The following CCDC7 variants were observed in gnomAD, a reference collection of about 807,000 sequenced individuals.
CCDC7 encodes coiled-coil domain containing 7.
Under a neutral mutation model 196.9 loss-of-function variants are expected in CCDC7, and 183 were observed. The observed-to-expected ratio is 0.93, with a 90% CI of 0.82 to 1.05. The LOEUF is 1.05. CCDC7 is among the 50% of genes least tolerant of loss of function. CCDC7 has a pLI of 0.00. For missense variants in CCDC7, 1,540 were observed against 1,482.2 expected (o/e 1.04, Z -0.64); for synonymous variants, 525 against 484.6 (o/e 1.08, Z -1.10).
At chr10:32,605,857 GA>G (rs2061510164) in intron 18 of CCDC7, among the ~76,000 whole-genome samples, 1 of 152,004 alleles carries the variant, frequency 6.6e-6, no homozygotes, top group Non-Finnish European at 1.5e-5. Context: ...GAAAAGAAAA[GA>G]AAAGCCTGTT....
chr10:32,614,959 C>G (rs917885384), intron 18 of CCDC7, among the ~76,000 whole-genome samples: 16 of 152,112 alleles, frequency 1.1e-4, no homozygotes, highest in African/African-American at 2.4e-5. Context: ...CATGTTGCTG[C>G]AAAAAACATG....
At chr10:32,515,928 A>G (rs2046959038) in intron 9 of CCDC7, among the ~76,000 whole-genome samples, 1 of 152,212 alleles carries the variant, frequency 6.6e-6, no homozygotes, top group Non-Finnish European at 1.5e-5. Context: ...TAGAAGAAGC[A>G]TAGGAGTAAA....
At chr10:32,528,634 ATGTGTG>A (rs529956709) in intron 11 of CCDC7, among the ~76,000 whole-genome samples, 1 of 124,936 alleles carries the variant, frequency 8.0e-6, no homozygotes, top group Non-Finnish European at 1.9e-5. Flanking sequence ...TGGTATATGT[ATGTGTG>A]TGTGTGTGTG....
chr10:32,692,140 C>T (rs192528384), intron 23 of CCDC7, among the ~76,000 whole-genome samples: 89 of 152,298 alleles, frequency 5.8e-4, no homozygotes, highest in Non-Finnish European at 8.8e-4. Flanking sequence ...GCATGAGTCT[C>T]AATAACTGAC....
intron 33 of CCDC7, among the ~76,000 whole-genome samples, chr10:32,835,349 AT>A (rs1482572645): frequency 1.3e-5 from 2 of 152,052 alleles, no homozygotes; most frequent in African/African-American, 4.8e-5. Context: ...TATATTTAGG[AT>A]AGTTAGATCT....
chr10:32,847,842 T>G (rs202047716), exon 38 of CCDC7: 1 of 1,608,762 alleles, frequency 6.2e-7, no homozygotes. Flanking sequence ...GAGACTGATG[T>G]AGAACCCTTG....
chr10:32,662,387 G>A (rs1423782327), intron 20 of CCDC7, among the ~76,000 whole-genome samples: 1 of 152,156 alleles, frequency 6.6e-6, no homozygotes. Flanking sequence ...TAAATTTGTT[G>A]TTCCTGCAAG....
At chr10:32,493,052 A>C (rs1449055673) in intron 9 of CCDC7, among the ~76,000 whole-genome samples, 1 of 152,020 alleles carries the variant, frequency 6.6e-6, no homozygotes, top group Non-Finnish European at 1.5e-5. Context: ...AACAGACCCA[A>C]AATCCTCACA....
intron 41 of CCDC7, among the ~76,000 whole-genome samples, chr10:32,855,074 CT>C (rs1328680056): frequency 6.6e-6 from 1 of 152,108 alleles, no homozygotes; most frequent in Non-Finnish European, 1.5e-5. Flanking sequence ...CAGAACTAGA[CT>C]TTTCATGCAT....
At chr10:32,697,991 C>T (rs2078008281) in intron 24 of CCDC7, among the ~76,000 whole-genome samples, 1 of 152,180 alleles carries the variant, frequency 6.6e-6, no homozygotes, top group African/African-American at 2.4e-5. Flanking sequence ...AAGGATCAGG[C>T]AGCAACCTTT....
intron 31 of CCDC7, among the ~76,000 whole-genome samples, chr10:32,821,646 C>T (rs993195471): frequency 3.3e-5 from 5 of 152,088 alleles, no homozygotes; most frequent in South Asian, 2.1e-4. Context: ...AAAGGATGAG[C>T]TCATGTCCTT....
chr10:32,617,685 A>C (rs573430508), intron 18 of CCDC7, among the ~76,000 whole-genome samples: 2 of 152,010 alleles, frequency 1.3e-5, no homozygotes, highest in South Asian at 4.1e-4. Flanking sequence ...AAAATTTGTT[A>C]AAACTTGTTT....
intron 16 of CCDC7, among the ~76,000 whole-genome samples, chr10:32,576,176 A>G (rs1026927310): frequency 2.0e-5 from 3 of 151,976 alleles, no homozygotes; most frequent in Admixed American, 1.3e-4. Context: ...GGGGACCCCA[A>G]AGTTACCATT....
chr10:32,841,811 C>G (rs2092992567), intron 33 of CCDC7, among the ~76,000 whole-genome samples: 1 of 152,076 alleles, frequency 6.6e-6, no homozygotes, highest in South Asian at 2.1e-4. Flanking sequence ...CAAATACTTA[C>G]AGCCGACAGA....
intron 41 of CCDC7, among the ~76,000 whole-genome samples, chr10:32,862,620 T>G (rs1340640874): frequency 6.6e-6 from 1 of 151,870 alleles, no homozygotes; most frequent in African/African-American, 2.4e-5. Flanking sequence ...ACTTCTCCAC[T>G]AAGATCAGCT....
At chr10:32,852,098 G>C (rs1463714918) in intron 40 of CCDC7, among the ~76,000 whole-genome samples, 166 bp downstream of exon 41, 1 of 152,202 alleles carries the variant, frequency 6.6e-6, no homozygotes, top group Non-Finnish European at 1.5e-5. Context: ...TCTTAGCAAT[G>C]AGTAGTTGTC....
intron 20 of CCDC7, among the ~76,000 whole-genome samples, chr10:32,651,745 A>G (rs1407711280): frequency 3.9e-5 from 6 of 152,066 alleles, no homozygotes; most frequent in Non-Finnish European, 1.5e-5. Flanking sequence ...TCTGGCGGGA[A>G]GGGAGGTTTT....
intron 9 of CCDC7, chr10:32,513,582 A>G (rs1815970661): frequency 6.6e-6 from 1 of 152,192 alleles, no homozygotes; most frequent in Non-Finnish European, 1.5e-5. Context: ...TGTTATGAAT[A>G]TGAACATGAA....
intron 8 of CCDC7, among the ~76,000 whole-genome samples, chr10:32,488,658 T>G (rs2041656750): frequency 6.6e-6 from 1 of 152,212 alleles, no homozygotes; most frequent in South Asian, 2.1e-4. Context: ...TCTGTATGGT[T>G]CTTCTGTATG....
Sources: allele counts gnomAD v4.1 joint callset (sites outside exome capture counted in the v4.1 genomes callset), GRCh38; gene constraint gnomAD v4.1.1; transcripts MANE v1.5; gene names NCBI Gene and HGNC (gene_info 2026-07-23, HGNC 2026-07-21).